The following CTNNA2 variants were observed in gnomAD, a reference collection of about 807,000 sequenced individuals.
The protein encoded by CTNNA2 is catenin alpha-2.
CTNNA2 carries 42 observed loss-of-function variants against 101.0 expected under a neutral mutation model. That is an observed-to-expected ratio of 0.42 (90% CI 0.32 to 0.54). The LOEUF (loss-of-function observed/expected upper bound fraction) is 0.54. CTNNA2 is among the 20% of genes least tolerant of loss of function. The pLI, the probability that CTNNA2 is intolerant of heterozygous loss-of-function variation, is 0.14. For synonymous variants in CTNNA2, 450 were observed against 456.4 expected (o/e 0.99, Z 0.18); for missense variants, 871 against 1,223.1 (o/e 0.71, Z 4.29).
At chr2:80,043,107 CTCTCTT>C (rs1362663822) in intron 7 of CTNNA2, among the ~76,000 whole-genome samples, 2 of 55,370 alleles carry the variant, frequency 3.6e-5, no homozygotes, top group Non-Finnish European at 3.9e-5. Context: ...CTCTCTCTCT[CTCTCTT>C]TCTTTCTCCT....
At chr2:80,243,686 T>C (rs1438257196) in intron 7 of CTNNA2, among the ~76,000 whole-genome samples, 1 of 152,232 alleles carries the variant, frequency 6.6e-6, no homozygotes, top group African/African-American at 2.4e-5. Flanking sequence ...ATTTGAGTTG[T>C]TTCCAGCTTG....
At chr2:79,911,099 C>T (rs1165935937) in intron 7 of CTNNA2, among the ~76,000 whole-genome samples, 1 of 152,126 alleles carries the variant, frequency 6.6e-6, no homozygotes, top group Non-Finnish European at 1.5e-5. Context: ...CCTGGATGAC[C>T]AACACTTTCT....
chr2:80,163,989 GTA>G (rs989339810), intron 7 of CTNNA2, among the ~76,000 whole-genome samples: 3 of 150,740 alleles, frequency 2.0e-5, no homozygotes, highest in African/African-American at 7.3e-5. Context: ...CCTTCTGTAT[GTA>G]TGTATTTTTC....
intron 15 of CTNNA2, among the ~76,000 whole-genome samples, chr2:80,592,353 T>G (rs2149743835): frequency 6.6e-6 from 1 of 152,286 alleles, no homozygotes; most frequent in South Asian, 2.1e-4. Flanking sequence ...ACCATCCAGC[T>G]TCCTTTGCAC....
intron 18 of CTNNA2, among the ~76,000 whole-genome samples, chr2:80,627,392 T>A (rs1055165932): frequency 2.0e-5 from 3 of 152,176 alleles, no homozygotes; most frequent in Non-Finnish European, 2.9e-5. Context: ...TTTCCTGACT[T>A]TTTAATGATC....
At chr2:79,352,462 G>A (rs2104439740) in intron 3 of CTNNA2, among the ~76,000 whole-genome samples, 1 of 151,916 alleles carries the variant, frequency 6.6e-6, no homozygotes, top group South Asian at 2.1e-4. Flanking sequence ...GTGCTTATTT[G>A]GATATTCTCT....
At chr2:79,959,406 C>T (rs143413429) in intron 7 of CTNNA2, among the ~76,000 whole-genome samples, 1 of 152,170 alleles carries the variant, frequency 6.6e-6, no homozygotes, top group Admixed American at 6.5e-5. Context: ...TTACTTATGA[C>T]CATTCTGTAG....
intron 7 of CTNNA2, among the ~76,000 whole-genome samples, chr2:79,925,717 A>T (rs2104398210): frequency 6.6e-6 from 1 of 152,168 alleles, no homozygotes; most frequent in South Asian, 2.1e-4. Context: ...TGTGACTCTT[A>T]GTTCCCTCTG....
At chr2:80,178,208 C>A (rs1369168024) in intron 7 of CTNNA2, among the ~76,000 whole-genome samples, 1 of 152,174 alleles carries the variant, frequency 6.6e-6, no homozygotes, top group Admixed American at 6.5e-5. Flanking sequence ...CCTGTTCAAG[C>A]CTGTTCACGT....
chr2:79,267,211 A>G (rs964285869), intron 2 of CTNNA2, among the ~76,000 whole-genome samples: 1 of 152,080 alleles, frequency 6.6e-6, no homozygotes, highest in African/African-American at 2.4e-5. Flanking sequence ...TAAGGAAAAG[A>G]CTTCATTGAG....
chr2:80,012,781 C>T (rs1693878396), intron 7 of CTNNA2, among the ~76,000 whole-genome samples: 1 of 152,146 alleles, frequency 6.6e-6, no homozygotes, highest in African/African-American at 2.4e-5. Context: ...TTATCTGCCA[C>T]TCATGAGAAT....
intron 18 of CTNNA2, among the ~76,000 whole-genome samples, chr2:80,626,330 T>C (rs948088856): frequency 5.3e-5 from 8 of 152,060 alleles, no homozygotes; most frequent in African/African-American, 1.9e-4. Context: ...CTCAAGTTCA[T>C]CTTTTGGTCT....
At chr2:80,315,518 T>G (rs879354261) in intron 7 of CTNNA2, among the ~76,000 whole-genome samples, 1 of 152,140 alleles carries the variant, frequency 6.6e-6, no homozygotes, top group Non-Finnish European at 1.5e-5. Context: ...TTAGGGTACC[T>G]GAGTTCTCTC....
chr2:80,073,974 C>A (rs1275905409), intron 7 of CTNNA2, among the ~76,000 whole-genome samples: 1 of 151,976 alleles, frequency 6.6e-6, no homozygotes, highest in Non-Finnish European at 1.5e-5. Context: ...CTAATATTGA[C>A]CTACGGGTAT....
chr2:79,743,517 CATTTTATTT>C lies in CTNNA2; in HGVS notation c.103-855_103-847del, dbSNP rs1324095209. Among the ~76,000 whole-genome samples, 448 of 150,706 alleles carry C rather than the reference CATTTTATTT, an allele frequency of 3.0e-3. 1 individual carries two copies. The highest frequency in any genetic ancestry group is 0.01 in the African/African-American group (428 of 41,062). On this transcript the variant is annotated intron_variant, in intron 2 of 18. Coordinates refer to ENST00000402739, the MANE Select transcript of CTNNA2 (RefSeq NM_001282597.3). The stretch of plus-strand genomic sequence containing the variant: ...TTTATTTCCCTCACATAAAATTTTC[CATTTTATTT>C]ATTTTATTTATTTTTTTTTTTTTTG...
intron 4 of CTNNA2, among the ~76,000 whole-genome samples, chr2:79,435,657 A>G (rs1678704979): frequency 6.6e-6 from 1 of 152,218 alleles, no homozygotes; most frequent in Admixed American, 6.5e-5. Context: ...AAGAAAAATA[A>G]CATGACACTT....
intron 2 of CTNNA2, among the ~76,000 whole-genome samples, chr2:79,259,224 A>C (rs553154858): frequency 6.6e-6 from 1 of 152,268 alleles, no homozygotes; most frequent in East Asian, 1.9e-4. Context: ...TTCTGTGCTT[A>C]TTCTCCCTGT....
intron 7 of CTNNA2, among the ~76,000 whole-genome samples, chr2:80,272,656 G>T (rs1471799677): frequency 1.3e-5 from 2 of 152,082 alleles, no homozygotes; most frequent in Non-Finnish European, 2.9e-5. Context: ...TACAAATAGA[G>T]CTGTCAGAAA....
chr2:79,308,895 T>A lies in CTNNA2; in HGVS notation c.-405-3814T>A, dbSNP rs1222889023. ...ACCTTTAATATTTTTATTTTTAATCTACCAGGAAATTATTTTTATTTACTC... is the reference window on the plus strand; with the variant it reads ...ACCTTTAATATTTTTATTTTTAATCAACCAGGAAATTATTTTTATTTACTC... On this transcript the variant is annotated intron_variant, in intron 2 of 21. Coordinates refer to the CTNNA2 transcript ENST00000466387. 2.0e-5 allele frequency among the ~76,000 whole-genome samples: 3 copies of A among 152,030 alleles called. No individual in the cohort carries two copies. In the East Asian group the frequency reaches 5.8e-4, roughly 29 times the overall value.
Sources: gnomAD v4.1 joint callset for allele counts (sites outside exome capture counted in the v4.1 genomes callset) on GRCh38, gnomAD v4.1.1 for gene constraint, MANE v1.5 for transcripts, NCBI Gene and HGNC (gene_info 2026-07-23, HGNC 2026-07-21) for gene names.